The following BMPR1B variants were observed in gnomAD, a reference collection of about 807,000 sequenced individuals.
BMPR1B encodes the protein bone morphogenetic protein receptor type-1B.
Under a neutral mutation model 59.1 loss-of-function variants are expected in BMPR1B, and 12 were observed. That is an observed-to-expected ratio of 0.20 (90% CI 0.13 to 0.33). The LOEUF (loss-of-function observed/expected upper bound fraction) is 0.33. BMPR1B is among the 10% of genes least tolerant of loss of function. The pLI is 1.00. For synonymous variants in BMPR1B, 237 were observed against 207.3 expected (o/e 1.14, Z -1.23); for missense variants, 550 against 610.9 (o/e 0.90, Z 1.05).
intron 3 of BMPR1B, among the ~76,000 whole-genome samples, chr4:95,037,171 CCTCCCAGCATTAGAAAA>C (rs1245377036): frequency 6.6e-6 from 1 of 152,058 alleles, no homozygotes; most frequent in Non-Finnish European, 1.5e-5. Context: ...TGGAGTGCTA[CCTCCCAGCATTAGAAAA>C]TGCCCAACAA....
At chr4:94,781,788 G>T (rs754271756) in intron 1 of BMPR1B, among the ~76,000 whole-genome samples, 1 of 152,074 alleles carries the variant, frequency 6.6e-6, no homozygotes, top group Non-Finnish European at 1.5e-5. Context: ...CATGGTTGAT[G>T]GTTTTTTTCT....
At chr4:94,997,374 C>T (rs189160947) in intron 3 of BMPR1B, among the ~76,000 whole-genome samples, 312 of 152,196 alleles carry the variant, frequency 2.0e-3, no homozygotes, top group Non-Finnish European at 3.9e-3. Context: ...GAAATCAGCC[C>T]ATTCTAAAAT....
At chr4:95,009,455 T>C (rs900314951) in intron 3 of BMPR1B, among the ~76,000 whole-genome samples, 11 of 152,106 alleles carry the variant, frequency 7.2e-5, no homozygotes, top group African/African-American at 2.4e-4. Flanking sequence ...AAATGAATGC[T>C]CCCCAGCTAC....
At chr4:94,790,506 C>A (rs1490053479) in intron 1 of BMPR1B, among the ~76,000 whole-genome samples, 1 of 152,134 alleles carries the variant, frequency 6.6e-6, no homozygotes, top group Non-Finnish European at 1.5e-5. Context: ...ATTCTTGCTG[C>A]CTTCTCCCTT....
At chr4:94,833,192 C>CAAAA (rs60473542) in intron 1 of BMPR1B, among the ~76,000 whole-genome samples, 257 of 132,994 alleles carry the variant, frequency 1.9e-3, no homozygotes, top group African/African-American at 6.8e-3. Context: ...GACTCTTTCT[C>CAAAA]AAAAAAAAAA....
intron 1 of BMPR1B, among the ~76,000 whole-genome samples, chr4:94,800,029 A>G (rs1263023304): frequency 6.6e-6 from 1 of 152,206 alleles, no homozygotes; most frequent in Non-Finnish European, 1.5e-5. Context: ...TTCAATCAGA[A>G]TAGTGTAGTA....
intron 2 of BMPR1B, among the ~76,000 whole-genome samples, chr4:94,929,547 A>G (rs957914402): frequency 6.6e-6 from 1 of 151,898 alleles, no homozygotes; most frequent in African/African-American, 2.4e-5. Flanking sequence ...GACTCTCCTC[A>G]CCCACTTCTG....
At chr4:94,908,449 G>T (rs1450168231) in intron 2 of BMPR1B, among the ~76,000 whole-genome samples, 2 of 151,470 alleles carry the variant, frequency 1.3e-5, no homozygotes, top group Admixed American at 6.6e-5. Flanking sequence ...TCTTCTCTCA[G>T]TGGCCCCGTC....
intron 1 of BMPR1B, among the ~76,000 whole-genome samples, chr4:94,861,948 A>G (rs1578732092): frequency 6.6e-6 from 1 of 152,232 alleles, no homozygotes; most frequent in East Asian, 1.9e-4. Flanking sequence ...CAGGTGGTGA[A>G]TAATTTGTAT....
chr4:94,949,214 A>G (rs1334421930), intron 2 of BMPR1B, among the ~76,000 whole-genome samples: 1 of 151,994 alleles, frequency 6.6e-6, no homozygotes, highest in Non-Finnish European at 1.5e-5. Flanking sequence ...ATGAGTGAGA[A>G]CACATGGTGT....
chr4:94,959,878 AAAATT>A (rs1319389025), intron 2 of BMPR1B, among the ~76,000 whole-genome samples: 3 of 152,196 alleles, frequency 2.0e-5, no homozygotes, highest in African/African-American at 2.4e-5. Context: ...TTAAAAGTAA[AAAATT>A]AAAAGGTCAA....
chr4:94,806,548 T>C (rs7685389), intron 1 of BMPR1B, among the ~76,000 whole-genome samples: 103,111 of 151,998 alleles, frequency 0.68, 34,950 homozygotes, highest in East Asian at 0.76. Flanking sequence ...AGCTGCTGAG[T>C]GCAGTTCCTG....
rs28574698 is a variant in BMPR1B, at chr4:94,872,353, A to C, written c.-182-3478A>C. Among the ~76,000 whole-genome samples the C allele has an allele frequency of 7.5e-3, 1,137 of 152,332 alleles. 17 individuals are homozygous for C. Among genetic ancestry groups the C allele is most frequent in the African/African-American group, 0.026 (1,088 of 41,580 alleles). ...TCTAAACATATAAAAATATTTTCAAAGTCACTTTTTAAACCCAGAAGCAAT... is the reference window on the plus strand; with the variant it reads ...TCTAAACATATAAAAATATTTTCAACGTCACTTTTTAAACCCAGAAGCAAT... On this transcript the variant is annotated intron_variant, in intron 1 of 12. Coordinates refer to ENST00000515059, the MANE Select transcript of BMPR1B (RefSeq NM_001203.3).
intron 1 of BMPR1B, among the ~76,000 whole-genome samples, chr4:94,843,248 A>G (rs1290595207): frequency 2.6e-5 from 4 of 152,226 alleles, no homozygotes; most frequent in Admixed American, 6.5e-5. Flanking sequence ...TTATTAATAA[A>G]AAGGAAGCCT....
At chr4:94,981,262 G>T (rs1560578421) in intron 2 of BMPR1B, among the ~76,000 whole-genome samples, 1 of 151,598 alleles carries the variant, frequency 6.6e-6, no homozygotes, top group Non-Finnish European at 1.5e-5. Flanking sequence ...GGAGTGCAGT[G>T]GCGCAATCAC....
At chr4:94,880,235 G>C (rs1164734543) in intron 2 of BMPR1B, among the ~76,000 whole-genome samples, 1 of 152,228 alleles carries the variant, frequency 6.6e-6, no homozygotes, top group East Asian at 1.9e-4. Flanking sequence ...TCAGAGTACT[G>C]TACTTCTAAC....
intron 11 of BMPR1B, among the ~76,000 whole-genome samples, chr4:95,149,303 A>G (rs1734864826): frequency 6.6e-6 from 1 of 151,994 alleles, no homozygotes; most frequent in South Asian, 2.1e-4. Context: ...CCCCAACTCC[A>G]TTCCCTGGGA....
chr4:94,894,234 A>G (rs1727502020), intron 2 of BMPR1B, among the ~76,000 whole-genome samples: 3 of 152,048 alleles, frequency 2.0e-5, no homozygotes, highest in Non-Finnish European at 4.4e-5. Flanking sequence ...AAATACACAA[A>G]TGGTACTCAT....
intron 10 of BMPR1B, among the ~76,000 whole-genome samples, chr4:95,134,103 A>G (rs1055154487): frequency 6.6e-6 from 1 of 152,136 alleles, no homozygotes; most frequent in South Asian, 2.1e-4. Context: ...ATTCCCACAT[A>G]TGAGTGAGAA....
Sources: allele counts gnomAD v4.1 joint callset (sites outside exome capture counted in the v4.1 genomes callset), GRCh38; gene constraint gnomAD v4.1.1; transcripts MANE v1.5; gene names NCBI Gene and HGNC (gene_info 2026-07-23, HGNC 2026-07-21).